Variants in CDH18 observed in about 807,000 individuals in gnomAD.
The protein encoded by CDH18 is cadherin 18.
A neutral mutation model predicts 67.9 loss-of-function variants in CDH18; 31 were observed. The observed-to-expected ratio is 0.46, with a 90% CI of 0.34 to 0.62. The LOEUF (loss-of-function observed/expected upper bound fraction) is 0.62. Among genes scored for constraint, CDH18 ranks in the 20% least tolerant of loss-of-function variants. The pLI, the probability that CDH18 is intolerant of heterozygous loss-of-function variation, is 0.01. For missense variants in CDH18, 890 were observed against 975.5 expected (o/e 0.91, Z 1.17); for synonymous variants, 362 against 347.2 (o/e 1.04, Z -0.48).
At chr5:19,829,768 G>T (rs1166244027) in intron 3 of CDH18, among the ~76,000 whole-genome samples, 4 of 151,514 alleles carry the variant, frequency 2.6e-5, no homozygotes, top group African/African-American at 4.8e-5. Context: ...CAGGCATCAT[G>T]TCACTCAACT....
chr5:19,581,812 T>G (rs751587725), intron 7 of CDH18, among the ~76,000 whole-genome samples: 1 of 149,548 alleles, frequency 6.7e-6, no homozygotes, highest in Non-Finnish European at 1.5e-5. Context: ...TATGGTATTT[T>G]GTCAAAACAC....
chr5:19,745,646 C>G (rs1261767348), intron 4 of CDH18, among the ~76,000 whole-genome samples: 1 of 152,166 alleles, frequency 6.6e-6, no homozygotes, highest in Admixed American at 6.5e-5. Flanking sequence ...CCTCGACTCT[C>G]CTTGGAGATC....
intron 2 of CDH18, among the ~76,000 whole-genome samples, chr5:20,111,034 TA>T (rs1371190336): frequency 1.3e-5 from 2 of 152,122 alleles, no homozygotes; most frequent in East Asian, 1.9e-4. Context: ...GGTAAGTCAT[TA>T]AAAAAATCTT....
intron 2 of CDH18, among the ~76,000 whole-genome samples, chr5:20,036,141 A>G (rs1484185205): frequency 1.3e-5 from 2 of 152,046 alleles, no homozygotes; most frequent in East Asian, 1.9e-4. Context: ...GTACAATAAA[A>G]TAGATTCATG....
At chr5:20,192,033 T>G (rs1020582424) in intron 2 of CDH18, among the ~76,000 whole-genome samples, 1 of 152,088 alleles carries the variant, frequency 6.6e-6, no homozygotes, top group Non-Finnish European at 1.5e-5. Flanking sequence ...GTTTCCTGAC[T>G]TTTTAATAAT....
intron 5 of CDH18, among the ~76,000 whole-genome samples, chr5:19,710,767 A>T (rs1232676802): frequency 6.6e-6 from 1 of 152,136 alleles, no homozygotes; most frequent in Non-Finnish European, 1.5e-5. Flanking sequence ...TTAGTTTTGT[A>T]GTTAAAGTTA....
At chr5:19,587,775 T>C (rs2683645) in intron 7 of CDH18, among the ~76,000 whole-genome samples, 99,373 of 151,704 alleles carry the variant, frequency 0.66, 32,959 homozygotes, top group South Asian at 0.76. Context: ...GCTCTTCAGG[T>C]TTTTTGGTTT....
chr5:19,863,564 G>C (rs1464995697), intron 2 of CDH18, among the ~76,000 whole-genome samples: 1 of 152,100 alleles, frequency 6.6e-6, no homozygotes, highest in Non-Finnish European at 1.5e-5. Context: ...CCATGACACC[G>C]TTAATTGGGC....
intron 2 of CDH18, among the ~76,000 whole-genome samples, chr5:19,956,013 T>C (rs374084203): frequency 3.6e-4 from 55 of 152,162 alleles, no homozygotes; most frequent in African/African-American, 1.2e-3. Context: ...TATGAACATA[T>C]GGAATAAGGG....
At chr5:19,969,333 C>A (rs1366403154) in intron 2 of CDH18, among the ~76,000 whole-genome samples, 2 of 142,864 alleles carry the variant, frequency 1.4e-5, no homozygotes, top group African/African-American at 3.0e-5. Context: ...ACCCAGCCAT[C>A]CCATTACTGG....
At chr5:20,553,569 C>G (rs1429245695) in intron 1 of CDH18, among the ~76,000 whole-genome samples, 1 of 152,174 alleles carries the variant, frequency 6.6e-6, no homozygotes, top group Admixed American at 6.6e-5. Flanking sequence ...TAAAACACCA[C>G]TTTAACCATG....
chr5:19,770,145 A>T (rs1433271394), intron 3 of CDH18, among the ~76,000 whole-genome samples: 1 of 152,108 alleles, frequency 6.6e-6, no homozygotes, highest in East Asian at 1.9e-4. Context: ...AGCCATTTTG[A>T]TAAGCATTTG....
At chr5:20,334,957 C>T (rs1476377863) in intron 1 of CDH18, among the ~76,000 whole-genome samples, 5 of 152,184 alleles carry the variant, frequency 3.3e-5, no homozygotes, top group African/African-American at 1.2e-4. Flanking sequence ...GCAACAGCCA[C>T]TTTGGTCAAT....
intron 1 of CDH18, among the ~76,000 whole-genome samples, chr5:20,354,133 C>T (rs370053127): frequency 5.6e-4 from 85 of 152,224 alleles, no homozygotes; most frequent in African/African-American, 2.0e-3. Context: ...ATAGTTTTAA[C>T]TTCTCACTGA....
At chr5:19,982,502 G>T (rs1449396546) in intron 1 of CDH18, among the ~76,000 whole-genome samples, 1 of 151,754 alleles carries the variant, frequency 6.6e-6, no homozygotes, top group Non-Finnish European at 1.5e-5. Flanking sequence ...ATCATTCTTT[G>T]ATTCAAATTA....
At chr5:20,024,471 T>G (rs1488645979) in intron 2 of CDH18, among the ~76,000 whole-genome samples, 1 of 151,846 alleles carries the variant, frequency 6.6e-6, no homozygotes, top group Non-Finnish European at 1.5e-5. Flanking sequence ...AAAGAGGGAG[T>G]GATATTCAGC....
intron 2 of CDH18, among the ~76,000 whole-genome samples, chr5:20,139,447 A>G (rs1750044757): frequency 1.3e-5 from 2 of 152,216 alleles, no homozygotes; most frequent in Admixed American, 6.5e-5. Flanking sequence ...AATGGCAACA[A>G]AAGCCAAAAT....
intron 3 of CDH18, among the ~76,000 whole-genome samples, chr5:19,752,650 C>T (rs1031363658): frequency 1.3e-5 from 2 of 152,148 alleles, no homozygotes; most frequent in African/African-American, 4.8e-5. Context: ...GCCCCACCTG[C>T]CATGGGTTCC....
intron 1 of CDH18, among the ~76,000 whole-genome samples, chr5:20,306,420 GC>G (rs1736459447): frequency 6.7e-6 from 1 of 149,358 alleles, no homozygotes; most frequent in South Asian, 2.2e-4. Context: ...ACTCAAAGTA[GC>G]CTTTTCCATA....
Sources: gnomAD v4.1 joint callset for allele counts (sites outside exome capture counted in the v4.1 genomes callset) on GRCh38, gnomAD v4.1.1 for gene constraint, MANE v1.5 for transcripts, NCBI Gene and HGNC (gene_info 2026-07-23, HGNC 2026-07-21) for gene names.